TTLL7: variants seen among roughly 807,000 people sequenced by gnomAD.
The protein encoded by TTLL7 is tubulin polyglutamylase TTLL7.
In TTLL7, 53 loss-of-function variants were observed where a neutral mutation model predicts 120.2. The observed-to-expected ratio is 0.44, with a 90% CI of 0.35 to 0.55. TTLL7 has a LOEUF of 0.55. TTLL7 is among the 20% of genes least tolerant of loss of function. TTLL7 has a pLI of 0.00. For missense variants in TTLL7, 803 were observed against 1,054.7 expected (o/e 0.76, Z 3.31); for synonymous variants, 353 against 351.7 (o/e 1.00, Z -0.04).
At chr1:83,964,756 G>A (rs1164855009) in intron 1 of TTLL7, among the ~76,000 whole-genome samples, 1 of 152,086 alleles carries the variant, frequency 6.6e-6, no homozygotes, top group African/African-American at 2.4e-5. Flanking sequence ...ATCAATGAGA[G>A]ATACATTCAA....
intron 1 of TTLL7, among the ~76,000 whole-genome samples, chr1:83,965,543 A>C (rs907704006): frequency 6.6e-6 from 1 of 152,120 alleles, no homozygotes; most frequent in African/African-American, 2.4e-5. Flanking sequence ...GTGTGAAAAT[A>C]CGCTAAAACT....
chr1:83,878,715 GT>G (rs972709362), intron 20 of TTLL7, among the ~76,000 whole-genome samples: 3 of 152,046 alleles, frequency 2.0e-5, no homozygotes, highest in South Asian at 2.1e-4. Flanking sequence ...TTTTTAAAAT[GT>G]TTTTTAGCTA....
chr1:83,955,862 A>G (rs1293099323), intron 1 of TTLL7, among the ~76,000 whole-genome samples: 5 of 152,126 alleles, frequency 3.3e-5, no homozygotes, highest in Admixed American at 1.3e-4. Flanking sequence ...TTAGCCAGGC[A>G]TGGTGGTGCC....
At chr1:83,890,190 G>T in intron 19 of TTLL7, 131 bp downstream of exon 19, 1 of 855,420 alleles carries the variant, frequency 1.2e-6, no homozygotes, top group Non-Finnish European at 1.8e-6. Flanking sequence ...TTATAGTTGA[G>T]TACTAAACAT....
intron 10 of TTLL7, among the ~76,000 whole-genome samples, chr1:83,928,278 ACT>A (rs555473554): frequency 2.0e-5 from 3 of 152,116 alleles, no homozygotes; most frequent in Non-Finnish European, 4.4e-5. Flanking sequence ...GCATACCATA[ACT>A]CTGCTAGAAC....
At chr1:83,943,014 C>T (rs1443445670) in intron 6 of TTLL7, among the ~76,000 whole-genome samples, 1 of 152,128 alleles carries the variant, frequency 6.6e-6, no homozygotes, top group African/African-American at 2.4e-5. Flanking sequence ...CCAGTACGGT[C>T]CTGGAGGGGG....
At chr1:83,980,892 A>G (rs1020910800) in intron 1 of TTLL7, 2 of 152,164 alleles carry the variant, frequency 1.3e-5, no homozygotes, top group African/African-American at 4.8e-5. Context: ...TCTATACTTA[A>G]TTCAAAGTTG....
chr1:83,947,083 T>A (rs1249097101), intron 6 of TTLL7, 41 bp downstream of exon 6: 2 of 1,521,738 alleles, frequency 1.3e-6, no homozygotes, highest in Non-Finnish European at 1.8e-6. Flanking sequence ...ACTCCCAAAT[T>A]TTTTTTTATT....
intron 18 of TTLL7, among the ~76,000 whole-genome samples, chr1:83,896,908 C>T (rs1656272390): frequency 6.6e-6 from 1 of 152,036 alleles, no homozygotes; most frequent in South Asian, 2.1e-4. Flanking sequence ...ATATATTCCT[C>T]ACAAACTATA....
intron 10 of TTLL7, among the ~76,000 whole-genome samples, chr1:83,924,794 T>C (rs1399302873): frequency 6.6e-6 from 1 of 152,082 alleles, no homozygotes; most frequent in Non-Finnish European, 1.5e-5. Flanking sequence ...GGTGAACAAA[T>C]ATTAAATGAG....
intron 10 of TTLL7, among the ~76,000 whole-genome samples, chr1:83,928,388 T>C (rs1183794802): frequency 6.6e-6 from 1 of 152,100 alleles, no homozygotes; most frequent in Non-Finnish European, 1.5e-5. Context: ...TGTTGGAAAA[T>C]TTCTAATGAC....
intron 6 of TTLL7, among the ~76,000 whole-genome samples, chr1:83,943,358 A>G (rs1648164897): frequency 6.6e-6 from 1 of 152,148 alleles, no homozygotes; most frequent in African/African-American, 2.4e-5. Flanking sequence ...CATGCTCAAG[A>G]AAGACCCGAG....
Position 83,972,143 on chromosome 1 carries a change from T to C in TTLL7, c.-176-19756A>G, listed in dbSNP as rs191006570. Among the ~76,000 whole-genome samples the C allele has an allele frequency of 2.0e-5, 3 of 152,182 alleles. No individual in the cohort carries two copies. The East Asian group carries it at 5.8e-4, about 30-fold the overall frequency. ...ATTACTGACATAGTTTACATAGGGT[T>C]TACATTGGGGTTCACTCAGTGTTGT... On this transcript the variant is annotated intron_variant, in intron 1 of 20. Transcript: ENST00000260505.
At chr1:83,951,788 C>A in intron 3 of TTLL7, 57 bp downstream of exon 3, 1 of 1,539,228 alleles carries the variant, frequency 6.5e-7, no homozygotes. Context: ...TTTTTAACAC[C>A]AAATCAGTTT....
chr1:83,947,003 T>G, intron 6 of TTLL7, 121 bp downstream of exon 6: 1 of 755,846 alleles, frequency 1.3e-6, no homozygotes, highest in Admixed American at 3.7e-5. Context: ...CTACAATAGT[T>G]AGAAACCTAT....
In TTLL7 at chr1:83,892,553, T is replaced by A. The variant is rs865857313; in HGVS notation, c.2209-2072A>T. 4.4e-3 allele frequency among the ~76,000 whole-genome samples: 320 copies of A among 72,708 alleles called. 4 individuals are homozygous for A. Among genetic ancestry groups the A allele is most frequent in the Non-Finnish European group, 7.6e-3 (211 of 27,602 alleles). The allele number at this position is 72,708 out of a possible 152,430, so 47.7% of individuals were successfully genotyped here. A position where few individuals can be genotyped will look rare whatever the true frequency, so the allele number is the denominator to read the frequency against. ...ATATGAACATATGAATGAACATATA[T>A]ATGAACATATGAACATATATATGAA... is the stretch of plus-strand genomic sequence containing the variant. On this transcript the variant is annotated intron_variant, in intron 18 of 20. Coordinates refer to ENST00000260505, the MANE Select transcript of TTLL7 (RefSeq NM_024686.6).
chr1:83,964,742 T>A (rs911767332), intron 1 of TTLL7, among the ~76,000 whole-genome samples: 1 of 152,116 alleles, frequency 6.6e-6, no homozygotes, highest in African/African-American at 2.4e-5. Flanking sequence ...CTGACACTGA[T>A]CATATCAATG....
At chr1:83,976,430 C>G (rs1237452972) in intron 1 of TTLL7, among the ~76,000 whole-genome samples, 1 of 151,930 alleles carries the variant, frequency 6.6e-6, no homozygotes, top group Non-Finnish European at 1.5e-5. Flanking sequence ...TCATTCTGAG[C>G]AAAACAAACA....
At chr1:83,988,697 T>C (rs890471749) in intron 1 of TTLL7, among the ~76,000 whole-genome samples, 1 of 152,156 alleles carries the variant, frequency 6.6e-6, no homozygotes, top group African/African-American at 2.4e-5. Context: ...GAGAAGTGTC[T>C]GTTCGTGTCT....
Sources: allele counts gnomAD v4.1 joint callset (sites outside exome capture counted in the v4.1 genomes callset), GRCh38; gene constraint gnomAD v4.1.1; transcripts MANE v1.5; gene names NCBI Gene and HGNC (gene_info 2026-07-23, HGNC 2026-07-21).